The following SPATA6 variants were observed in gnomAD, a reference collection of about 807,000 sequenced individuals.
The protein encoded by SPATA6 is spermatogenesis-associated protein 6.
A neutral mutation model predicts 65.3 loss-of-function variants in SPATA6; 56 were observed. The observed-to-expected ratio is 0.86, with a 90% confidence interval of 0.69 to 1.07. SPATA6 has a LOEUF of 1.07. SPATA6 is among the 50% of genes least tolerant of loss of function. The pLI, the probability that SPATA6 is intolerant of heterozygous loss-of-function variation, is 0.00. For synonymous variants in SPATA6, 199 were observed against 213.2 expected (o/e 0.93, Z 0.58); for missense variants, 590 against 594.8 (o/e 0.99, Z 0.08).
chr1:48,391,877 A>G (rs1378254041), intron 8 of SPATA6, among the ~76,000 whole-genome samples: 2 of 152,116 alleles, frequency 1.3e-5, no homozygotes, highest in Non-Finnish European at 2.9e-5. Context: ...GATGGACATA[A>G]TCATTTAGAA....
At chr1:48,264,921 T>C in the SPATA6 span, among the ~76,000 whole-genome samples, 1 of 152,240 alleles carries the variant, frequency 6.6e-6, no homozygotes, top group Admixed American at 6.5e-5. Flanking sequence ...TTTCTAGTTC[T>C]AGATCCTTGA....
chr1:48,367,851 G>C (rs1647078998), intron 9 of SPATA6, among the ~76,000 whole-genome samples: 1 of 152,166 alleles, frequency 6.6e-6, no homozygotes, highest in Non-Finnish European at 1.5e-5. Context: ...GATGTTATCT[G>C]GTTATTTTGC....
intron 9 of SPATA6, among the ~76,000 whole-genome samples, chr1:48,382,420 C>A (rs867624520): frequency 7.1e-6 from 1 of 140,108 alleles, no homozygotes; most frequent in South Asian, 2.4e-4. Context: ...CGGGCAGAGG[C>A]ACCCCTCACC....
the SPATA6 span, among the ~76,000 whole-genome samples, chr1:48,267,730 G>A: frequency 6.9e-6 from 1 of 145,858 alleles, no homozygotes; most frequent in Non-Finnish European, 1.5e-5. Flanking sequence ...CAGCGCTCGA[G>A]TCTGTGACCA....
At chr1:48,348,670 G>A (rs1440919939) in intron 11 of SPATA6, among the ~76,000 whole-genome samples, 1 of 151,988 alleles carries the variant, frequency 6.6e-6, no homozygotes, top group African/African-American at 2.4e-5. Context: ...TGTGCTCACT[G>A]CTATTGTCAC....
At chr1:48,377,848 A>G (rs1159667236) in intron 9 of SPATA6, among the ~76,000 whole-genome samples, 1 of 152,202 alleles carries the variant, frequency 6.6e-6, no homozygotes, top group Non-Finnish European at 1.5e-5. Flanking sequence ...ATTGTTGCTA[A>G]GAAGCAACCT....
chr1:48,299,408 G>A (rs1312501362), intron 12 of SPATA6, among the ~76,000 whole-genome samples: 1 of 149,372 alleles, frequency 6.7e-6, no homozygotes, highest in East Asian at 2.0e-4. Context: ...CAGCTACTCG[G>A]GAGGCTGAGG....
chr1:48,366,542 G>A (rs996201073), intron 9 of SPATA6, among the ~76,000 whole-genome samples: 17 of 152,168 alleles, frequency 1.1e-4, no homozygotes, highest in Non-Finnish European at 1.8e-4. Context: ...ATGTGTCTAC[G>A]AATTTATCCA....
intron 2 of SPATA6, among the ~76,000 whole-genome samples, chr1:48,452,571 A>C (rs1399906138): frequency 5.3e-5 from 8 of 152,044 alleles, no homozygotes; most frequent in African/African-American, 1.9e-4. Flanking sequence ...TTTAGAACAG[A>C]CAGGGTTTCC....
intron 1 of SPATA6, among the ~76,000 whole-genome samples, chr1:48,456,781 G>A (rs931731424): frequency 2.6e-5 from 4 of 151,898 alleles, no homozygotes; most frequent in African/African-American, 7.3e-5. Context: ...ATGAGCTGTC[G>A]GAAAAAGAAT....
intron 10 of SPATA6, among the ~76,000 whole-genome samples, 181 bp downstream of exon 10, chr1:48,359,405 T>C (rs2148816307): frequency 6.6e-6 from 1 of 152,194 alleles, no homozygotes; most frequent in East Asian, 1.9e-4. Context: ...TAGAGAACTG[T>C]GCTAGGAAGA....
At chr1:48,439,432 T>C (rs1269215611) in intron 3 of SPATA6, among the ~76,000 whole-genome samples, 1 of 151,732 alleles carries the variant, frequency 6.6e-6, no homozygotes, top group Non-Finnish European at 1.5e-5. Flanking sequence ...AGCGCAACTA[T>C]TCCGATCAGC....
At chr1:48,390,111 T>C (rs1009061838) in intron 8 of SPATA6, among the ~76,000 whole-genome samples, 17 of 152,168 alleles carry the variant, frequency 1.1e-4, no homozygotes, top group African/African-American at 2.2e-4. Flanking sequence ...AATTAGTATA[T>C]TGAAGAGATA....
At chr1:48,337,903 A>G (rs1002564938) in intron 11 of SPATA6, among the ~76,000 whole-genome samples, 4 of 151,986 alleles carry the variant, frequency 2.6e-5, no homozygotes, top group Admixed American at 1.3e-4. Context: ...TTCTCCTCCA[A>G]TCAAAGCATA....
the SPATA6 span, among the ~76,000 whole-genome samples, chr1:48,269,893 AAAAAG>A: frequency 2.6e-5 from 4 of 152,070 alleles, no homozygotes; most frequent in East Asian, 1.9e-4. Context: ...ACCTTTAAAA[AAAAAG>A]AAATCAGTAA....
chr1:48,270,589 A>C, the SPATA6 span, among the ~76,000 whole-genome samples: 11 of 151,952 alleles, frequency 7.2e-5, no homozygotes, highest in African/African-American at 2.7e-4. Flanking sequence ...CCTACCCCCT[A>C]CTACACAGAT....
intron 8 of SPATA6, among the ~76,000 whole-genome samples, chr1:48,386,209 G>T (rs1356165088): frequency 5.9e-5 from 9 of 152,154 alleles, no homozygotes; most frequent in Non-Finnish European, 2.9e-5. Flanking sequence ...AAAATCCCCA[G>T]AAAAGTATCT....
chr1:48,269,717 T>C, the SPATA6 span, among the ~76,000 whole-genome samples: 2 of 151,848 alleles, frequency 1.3e-5, no homozygotes, highest in Admixed American at 6.6e-5. Context: ...CTTTTGGTAA[T>C]AGAAATACAT....
rs933610616 is a variant in SPATA6, at chr1:48,325,494, T to G, written c.1195-19616A>C. On this transcript the variant is annotated intron_variant, in intron 11 of 12. Coordinates refer to ENST00000371847, the MANE Select transcript of SPATA6 (RefSeq NM_019073.4). ...AACTGAGGGATCCACATTCTCTGAGTTGATGATCTCATCATCCTCACTGAA... is the reference window on the plus strand; with the variant it reads ...AACTGAGGGATCCACATTCTCTGAGGTGATGATCTCATCATCCTCACTGAA... 3 of 1,230,834 alleles carry G rather than the reference T, an allele frequency of 2.4e-6. No homozygotes were observed. The African/African-American group carries it at 4.5e-5, about 18-fold the overall frequency. 76.2% of individuals were successfully genotyped at this position (1,230,834 alleles called of 1,614,324 possible).
Sources: allele counts gnomAD v4.1 joint callset (sites outside exome capture counted in the v4.1 genomes callset), GRCh38; gene constraint gnomAD v4.1.1; transcripts MANE v1.5; gene names NCBI Gene and HGNC (gene_info 2026-07-23, HGNC 2026-07-21).